The following PPP1R16B variants were observed in gnomAD, a reference collection of about 807,000 sequenced individuals.
PPP1R16B encodes protein phosphatase 1 regulatory subunit 16B, also known as protein phosphatase 1 regulatory inhibitor subunit 16B.
Under a neutral mutation model 61.7 loss-of-function variants are expected in PPP1R16B, and 14 were observed. The observed-to-expected ratio is 0.23, with a 90% CI of 0.15 to 0.35. The LOEUF is 0.35. Among genes scored for constraint, PPP1R16B ranks in the 10% least tolerant of loss-of-function variants. PPP1R16B has a pLI of 1.00. For synonymous variants in PPP1R16B, 266 were observed against 305.3 expected (o/e 0.87, Z 1.34); for missense variants, 547 against 752.5 (o/e 0.73, Z 3.19).
chr20:38,899,794 A>AAT (rs2085377197), intron 4 of PPP1R16B, among the ~76,000 whole-genome samples: 1 of 151,444 alleles, frequency 6.6e-6, no homozygotes, highest in Non-Finnish European at 1.5e-5. Context: ...AACCTGTCTG[A>AAT]GTCTTTTTTT....
At chr20:38,820,819 T>C (rs1282402119) in intron 1 of PPP1R16B, among the ~76,000 whole-genome samples, 1 of 151,738 alleles carries the variant, frequency 6.6e-6, no homozygotes, top group Non-Finnish European at 1.5e-5. Context: ...GATCATGAGG[T>C]CAGGAGATCG....
intron 10 of PPP1R16B, among the ~76,000 whole-genome samples, chr20:38,916,413 A>C (rs2085541281): frequency 6.7e-6 from 1 of 148,774 alleles, no homozygotes; most frequent in Non-Finnish European, 1.5e-5. Flanking sequence ...TGTTATATAT[A>C]AATATATGTT....
chr20:38,886,239 C>T (rs570129482), intron 2 of PPP1R16B, among the ~76,000 whole-genome samples: 47 of 152,282 alleles, frequency 3.1e-4, no homozygotes, highest in African/African-American at 9.6e-4. Flanking sequence ...AGCCTTGGCT[C>T]ATGAGTACTA....
rs2085183692 is a variant in PPP1R16B, at chr20:38,878,427, C to T, written c.251-11168C>T. 1.3e-5 allele frequency among the ~76,000 whole-genome samples: 2 copies of T among 152,208 alleles called. 1 individual carries two copies. Among genetic ancestry groups the T allele is most frequent in the African/African-American group, 4.8e-5 (2 of 41,444 alleles). The stretch of plus-strand genomic sequence containing the variant: ...AGCTGAAGGAACTTCCCCCTTCATA[C>T]ACAGCTTGTTGCCTTTTCCTAAACA... On this transcript the variant is annotated intron_variant, in intron 2 of 10. Transcript: ENST00000299824.
intron 3 of PPP1R16B, 90 bp downstream of exon 3, chr20:38,889,755 C>T: frequency 7.5e-7 from 1 of 1,333,630 alleles, no homozygotes; most frequent in East Asian, 2.3e-5. Flanking sequence ...TCAGAACCCT[C>T]AGGGAGGAGG....
At chr20:38,875,997 G>C (rs1409901022) in intron 2 of PPP1R16B, among the ~76,000 whole-genome samples, 1 of 136,042 alleles carries the variant, frequency 7.4e-6, no homozygotes, top group African/African-American at 2.8e-5. Flanking sequence ...TTTTGAGATG[G>C]AGTTTCGCTC....
intron 1 of PPP1R16B, among the ~76,000 whole-genome samples, chr20:38,807,479 G>A (rs1432175122): frequency 6.6e-6 from 1 of 152,160 alleles, no homozygotes; most frequent in Non-Finnish European, 1.5e-5. Context: ...AGCCCTGGTG[G>A]GTGGTTCTGC....
intron 2 of PPP1R16B, among the ~76,000 whole-genome samples, chr20:38,859,032 G>C (rs553979616): frequency 6.6e-6 from 1 of 152,274 alleles, no homozygotes; most frequent in East Asian, 1.9e-4. Flanking sequence ...AAATGTCCCA[G>C]GATCCAGGAA....
At position 38,901,028 on chromosome 20, in the gene PPP1R16B, A is replaced by G. The variant is rs143214290; in HGVS notation, c.571+344A>G. On this transcript the variant is annotated intron_variant, in intron 5 of 10. Transcript: ENST00000299824. ...ATATATTCCTATGTGGGACAATAATAAAGTCAAGAATACTGGAGGGTGCCT... is the reference window on the plus strand; with the variant it reads ...ATATATTCCTATGTGGGACAATAATGAAGTCAAGAATACTGGAGGGTGCCT... Among the ~76,000 whole-genome samples the G allele has an allele frequency of 1.1e-4, 17 of 152,324 alleles. No individual in the cohort carries two copies. The East Asian group carries it at 3.1e-3, about 28-fold the overall frequency.
Position 38,816,573 on chromosome 20 carries a change from G to C in PPP1R16B, c.-102+10781G>C, listed in dbSNP as rs749517368. ...GTATGATCATCTGGTCGACCCACCT[G>C]GGGGGAACCAAGCCTTAGCTATATA... On this transcript the variant is annotated intron_variant, in intron 1 of 10. Transcript: ENST00000299824. Among the ~76,000 whole-genome samples the C allele has an allele frequency of 5.8e-4, 89 of 152,302 alleles. 1 individual carries two copies. Among genetic ancestry groups the C allele is most frequent in the Non-Finnish European group, 8.4e-4 (57 of 68,022 alleles).
intron 2 of PPP1R16B, among the ~76,000 whole-genome samples, chr20:38,844,650 T>C (rs193007556): frequency 4.6e-5 from 7 of 152,348 alleles, no homozygotes; most frequent in Non-Finnish European, 7.3e-5. Flanking sequence ...CAAGGACATT[T>C]TTAAGGGAAA....
intron 7 of PPP1R16B, 118 bp downstream of exon 7, chr20:38,906,212 G>T: frequency 1.0e-6 from 1 of 968,422 alleles, no homozygotes; most frequent in Non-Finnish European, 1.4e-6. Flanking sequence ...TTAAGGTGTT[G>T]AATATAGCTC....
chr20:38,883,740 C>T (rs2085220779), intron 2 of PPP1R16B, among the ~76,000 whole-genome samples: 1 of 152,208 alleles, frequency 6.6e-6, no homozygotes, highest in African/African-American at 2.4e-5. Context: ...TGGTTGTATT[C>T]CCAGCATCCA....
rs2085374029 is a variant in PPP1R16B, at chr20:38,899,313, G to A, written c.468-1268G>A. ...CTGCTAGGAGCATCAGATGGCCACA[G>A]CCTGATCAGTGATGGTGCTAAGAGG... On this transcript the variant is annotated intron_variant, in intron 4 of 10. Coordinates refer to ENST00000299824, the MANE Select transcript of PPP1R16B (RefSeq NM_015568.4). Among the ~76,000 whole-genome samples, 3 of 152,218 alleles carry A rather than the reference G, an allele frequency of 2.0e-5. No homozygotes were observed. The South Asian group carries it at 6.2e-4, about 32-fold the overall frequency.
chr20:38,918,138 T>A lies in PPP1R16B; in HGVS notation c.1195-19T>A. 1.2e-6 allele frequency: 2 copies of A among 1,610,962 alleles called. No homozygotes were observed. Among genetic ancestry groups the A allele is most frequent in the African/African-American group, 1.3e-5 (1 of 74,982 alleles). ...CAGATCTTCCAGCCAGCTGGTAATG[T>A]TGTCCTTCTCACTCGCAGAACCCCA... On this transcript the variant is annotated intron_variant, in intron 10 of 10. Transcript: ENST00000299824. The surrounding 1 kb of genome is among the most constrained non-coding windows in gnomAD (Gnocchi z 5.3).
At chr20:38,853,717 T>G (rs903276413) in intron 2 of PPP1R16B, among the ~76,000 whole-genome samples, 1 of 152,234 alleles carries the variant, frequency 6.6e-6, no homozygotes, top group Non-Finnish European at 1.5e-5. Context: ...CTCTTTCTGC[T>G]GGTCTTCCCT....
chr20:38,812,149 G>A (rs1009950520), intron 1 of PPP1R16B, among the ~76,000 whole-genome samples: 4 of 152,200 alleles, frequency 2.6e-5, no homozygotes, highest in South Asian at 4.1e-4. Flanking sequence ...CATTCAGACC[G>A]AGCTCTCTGT....
Position 38,906,283 on chromosome 20 carries a change from GTTTTTTTTTTTT to G in PPP1R16B, c.822+206_822+217del, listed in dbSNP as rs907617949. 4.9e-5 allele frequency among the ~76,000 whole-genome samples: 5 copies of G among 101,266 alleles called. No homozygotes were observed. The East Asian group carries it at 1.2e-3, about 24-fold the overall frequency. The allele number at this position is 101,266 out of a possible 152,430, so 66.4% of individuals were successfully genotyped here. A position where few individuals can be genotyped will look rare whatever the true frequency, so the allele number is the denominator to read the frequency against. Reference sequence around the variant, plus strand: ...AAAAACATTGGACAAAGCAAGTTGTGTTTTTTTTTTTTTTTTTTTTTTTTTTTTGAGATGGAG... The same window carrying G: ...AAAAACATTGGACAAAGCAAGTTGTGTTTTTTTTTTTTTTTTGAGATGGAG... On this transcript the variant is annotated intron_variant, in intron 7 of 10. Coordinates refer to ENST00000299824, the MANE Select transcript of PPP1R16B (RefSeq NM_015568.4).
chr20:38,859,933 G>C (rs1198580492), intron 2 of PPP1R16B, among the ~76,000 whole-genome samples: 1 of 152,026 alleles, frequency 6.6e-6, no homozygotes, highest in African/African-American at 2.4e-5. Context: ...ACTTATTAAT[G>C]AGAGATTTTA....
Sources: gnomAD v4.1 joint callset for allele counts (sites outside exome capture counted in the v4.1 genomes callset) on GRCh38, gnomAD v4.1.1 for gene constraint, Gnocchi (gnomAD v3.1) non-coding constraint, MANE v1.5 for transcripts, NCBI Gene and HGNC (gene_info 2026-07-23, HGNC 2026-07-21) for gene names.